Variants in STXBP5 observed in about 807,000 individuals in gnomAD.
STXBP5 encodes syntaxin-binding protein 5.
STXBP5 carries 50 observed loss-of-function variants against 152.4 expected under a neutral mutation model. That is an observed-to-expected ratio of 0.33 (90% CI 0.26 to 0.42). STXBP5 has a LOEUF of 0.42. STXBP5 is among the 10% of genes least tolerant of loss of function. STXBP5 has a pLI of 1.00. For synonymous variants in STXBP5, 492 were observed against 494.7 expected, an observed-to-expected ratio of 0.99 and a Z score of 0.07; for missense variants, 1,167 against 1,388.6, an observed-to-expected ratio of 0.84 and a Z score of 2.54.
chr6:147,299,047 G>A (rs1781673712), intron 9 of STXBP5, among the ~76,000 whole-genome samples: 1 of 151,828 alleles, frequency 6.6e-6, no homozygotes, highest in African/African-American at 2.4e-5. Flanking sequence ...GTACAAAATA[G>A]AGACTAAATA....
chr6:147,353,590 A>G (rs1311712389), intron 22 of STXBP5, among the ~76,000 whole-genome samples: 1 of 152,178 alleles, frequency 6.6e-6, no homozygotes. Flanking sequence ...GCAAGAATAT[A>G]TTTTCTTAGC....
At chr6:147,327,615 G>A (rs117463826) in intron 18 of STXBP5, among the ~76,000 whole-genome samples, 5,381 of 152,096 alleles carry the variant, frequency 0.035, 144 homozygotes, top group Admixed American at 0.054. Context: ...CTGGTTTTTT[G>A]TATTTTTTGT....
intron 7 of STXBP5, among the ~76,000 whole-genome samples, chr6:147,272,105 T>G (rs1413586511): frequency 6.6e-6 from 1 of 152,168 alleles, no homozygotes; most frequent in Non-Finnish European, 1.5e-5. Flanking sequence ...CTCTGTAATT[T>G]AAGAATAAAG....
chr6:147,378,611 A>T (rs948376871), intron 26 of STXBP5, among the ~76,000 whole-genome samples: 1 of 152,080 alleles, frequency 6.6e-6, no homozygotes, highest in African/African-American at 2.4e-5. Flanking sequence ...AGGGAAGAAC[A>T]AATGAAGTAC....
intron 16 of STXBP5, among the ~76,000 whole-genome samples, chr6:147,319,716 C>A (rs751120071): frequency 1.3e-5 from 2 of 150,650 alleles, no homozygotes; most frequent in Non-Finnish European, 3.0e-5. Flanking sequence ...TGAAGCAGTT[C>A]AGACTTTAAA....
intron 25 of STXBP5, among the ~76,000 whole-genome samples, chr6:147,372,303 A>G (rs552151660): frequency 6.6e-6 from 1 of 151,760 alleles, no homozygotes; most frequent in Admixed American, 6.6e-5. Flanking sequence ...GCCCAGCCCC[A>G]AGGAAGAAAC....
chr6:147,350,176 T>C (rs1784524417), intron 21 of STXBP5, among the ~76,000 whole-genome samples: 1 of 152,172 alleles, frequency 6.6e-6, no homozygotes, highest in Non-Finnish European at 1.5e-5. Flanking sequence ...TAACTGAGAA[T>C]TATTTGGAAA....
At chr6:147,292,112 T>A (rs1449193349) in intron 9 of STXBP5, 1 of 337,190 alleles carries the variant, frequency 3.0e-6, no homozygotes, top group Non-Finnish European at 5.7e-6. Context: ...TGTATACCAG[T>A]TTATAACCAC....
chr6:147,272,012 T>C (rs376745381), intron 7 of STXBP5, among the ~76,000 whole-genome samples: 10 of 152,146 alleles, frequency 6.6e-5, no homozygotes, highest in East Asian at 5.8e-4. Context: ...GCAATTTAGA[T>C]GAAATGGAGA....
chr6:147,356,641 T>A (rs1452915243), intron 22 of STXBP5, among the ~76,000 whole-genome samples: 1 of 152,092 alleles, frequency 6.6e-6, no homozygotes, highest in East Asian at 1.9e-4. Flanking sequence ...AGTATTATCA[T>A]AACTAATAAC....
intron 6 of STXBP5, among the ~76,000 whole-genome samples, 195 bp from the exon 7 acceptor site, chr6:147,266,888 CA>C (rs1451853765): frequency 6.6e-6 from 1 of 152,102 alleles, no homozygotes; most frequent in African/African-American, 2.4e-5. Flanking sequence ...CCCTAATCAT[CA>C]AAGACATATA....
chr6:147,309,379 A>G (rs554254644), intron 9 of STXBP5, among the ~76,000 whole-genome samples: 1 of 152,280 alleles, frequency 6.6e-6, no homozygotes, highest in East Asian at 1.9e-4. Flanking sequence ...GTGGAAATAT[A>G]CTCAGACCAT....
At position 147,316,317 on chromosome 6, in the gene STXBP5, G is replaced by A; in HGVS notation, c.1712G>A (p.Gly571Glu). The change falls in exon 16 of 28, where the codon GGG (glycine) becomes GAG (glutamate). Residue 571 changes from glycine (G) to glutamate (E), a missense_variant. Physicochemically the swap from Gly to Glu is moderately conservative, Grantham distance 98. This residue lies in a region of STXBP5 where 833 missense variants were observed against 986.3 expected (regional missense o/e 0.84). Transcript: ENST00000321680. The part of the protein sequence containing the change: ...QPPPLPTPVG[G>E]SNPQPIPPQS... ...CCACCTTTGCCAACACCCGTGGGAG[G>A]GTCCAACCCTCAGCCCATCCCTCCT... The A allele has an allele frequency of 1.9e-6, 3 of 1,613,210 alleles. No individual in the cohort carries two copies.
intron 2 of STXBP5, among the ~76,000 whole-genome samples, chr6:147,232,389 T>C (rs1430302061): frequency 6.6e-6 from 1 of 151,812 alleles, no homozygotes; most frequent in Non-Finnish European, 1.5e-5. Context: ...GCTCTGAAAT[T>C]TGTGTCCTTT....
At chr6:147,267,417 G>A (rs1267341560) in intron 7 of STXBP5, among the ~76,000 whole-genome samples, 1 of 152,094 alleles carries the variant, frequency 6.6e-6, no homozygotes, top group African/African-American at 2.4e-5. Context: ...CTTCCAAAGA[G>A]ACACTGTGCA....
chr6:147,297,104 T>C (rs1399400086), intron 9 of STXBP5, among the ~76,000 whole-genome samples: 1 of 152,152 alleles, frequency 6.6e-6, no homozygotes, highest in African/African-American at 2.4e-5. Flanking sequence ...TATATTCAGA[T>C]CCAGGAAGCT....
chr6:147,325,134 G>A (rs749462255), intron 17 of STXBP5, 50 bp downstream of exon 17: 2 of 1,350,202 alleles, frequency 1.5e-6, no homozygotes, highest in Non-Finnish European at 1.9e-6. Flanking sequence ...TATTCCATAT[G>A]TCATTTTGTT....
intron 8 of STXBP5, among the ~76,000 whole-genome samples, chr6:147,283,017 A>G (rs1187896814): frequency 6.6e-6 from 1 of 152,188 alleles, no homozygotes; most frequent in Non-Finnish European, 1.5e-5. Flanking sequence ...AAAATTTTCT[A>G]ATTTGTGTTG....
chr6:147,378,772 T>A (rs1437953082), intron 26 of STXBP5, among the ~76,000 whole-genome samples: 9 of 152,162 alleles, frequency 5.9e-5, no homozygotes, highest in Admixed American at 5.9e-4. Flanking sequence ...TAAAATTTAA[T>A]TTATATTAAC....
Sources: gnomAD v4.1 joint callset for allele counts (sites outside exome capture counted in the v4.1 genomes callset) on GRCh38, gnomAD v4.1.1 for gene constraint, gnomAD v4.1.1 regional missense constraint, MANE v1.5 for transcripts, NCBI Gene and HGNC (gene_info 2026-07-23, HGNC 2026-07-21) for gene names.